Variants in GDE1 observed in about 807,000 individuals in gnomAD.
GDE1 encodes the protein glycerophosphodiester phosphodiesterase 1, also known as RGS16-interacting membrane protein.
Under a neutral mutation model 32.2 loss-of-function variants are expected in GDE1, and 24 were observed. The ratio of observed to expected loss-of-function variants is 0.75; its 90% CI spans 0.54 to 1.05. The LOEUF (loss-of-function observed/expected upper bound fraction) is 1.05. Ranked by LOEUF, GDE1 falls within the 50% of genes least tolerant of loss-of-function variation. The pLI, the probability that GDE1 is intolerant of heterozygous loss-of-function variation, is 0.00. For missense variants in GDE1, 380 were observed against 415.0 expected (o/e 0.92, Z 0.73); for synonymous variants, 159 against 158.6 (o/e 1.00, Z -0.02).
chr16:19,506,713 T>C (rs901520445), intron 4 of GDE1, among the ~76,000 whole-genome samples: 8 of 152,358 alleles, frequency 5.3e-5, no homozygotes, highest in East Asian at 1.9e-4. Context: ...GAGCAATTTA[T>C]GAAAAACAAC....
At chr16:19,511,604 ATTG>A (rs1257292739) in intron 2 of GDE1, among the ~76,000 whole-genome samples, 2 of 152,124 alleles carry the variant, frequency 1.3e-5, no homozygotes, top group Non-Finnish European at 2.9e-5. Flanking sequence ...TATACAACAG[ATTG>A]TTAACTATAA....
intron 2 of GDE1, among the ~76,000 whole-genome samples, chr16:19,511,943 T>C (rs568904767): frequency 6.6e-6 from 1 of 152,276 alleles, no homozygotes; most frequent in South Asian, 2.1e-4. Flanking sequence ...TTGAGTATAT[T>C]TACCACAGTT....
At position 19,503,229 on chromosome 16, in the gene GDE1, G is replaced by C; in HGVS notation, c.*241C>G. 2.0e-6 allele frequency: 1 copy of C among 510,778 alleles called. No individual in the cohort carries two copies. The highest frequency in any genetic ancestry group is 3.5e-6 in the Non-Finnish European group (1 of 283,658). 31.6% of individuals were successfully genotyped at this position (510,778 alleles called of 1,614,324 possible). ...GTGCCTCAGCTAGGGCAGGGCAGGG[G>C]CTCTTGTGCGTTTTTTCAGACCCAG... On this transcript the variant is annotated 3_prime_UTR_variant, in exon 6 of 6. Transcript: ENST00000353258.
chr16:19,505,215 C>A, intron 4 of GDE1, 123 bp from the exon 5 acceptor site: 1 of 680,984 alleles, frequency 1.5e-6, no homozygotes, highest in Non-Finnish European at 2.6e-6. Context: ...GCCCCGGTAT[C>A]TACTAAATAA....
chr16:19,512,951 G>GTGTC, intron 2 of GDE1, among the ~76,000 whole-genome samples: 1 of 151,468 alleles, frequency 6.6e-6, no homozygotes, highest in East Asian at 1.9e-4. Flanking sequence ...GTGTGTGTGT[G>GTGTC]TGTGTGTGTG....
intron 2 of GDE1, among the ~76,000 whole-genome samples, chr16:19,511,933 T>C (rs1244725493): frequency 6.6e-6 from 1 of 152,094 alleles, no homozygotes; most frequent in African/African-American, 2.4e-5. Context: ...TAGTATTCCA[T>C]TGAGTATATT....
intron 2 of GDE1, among the ~76,000 whole-genome samples, chr16:19,515,066 C>CAAAAAA (rs67148636): frequency 8.8e-6 from 1 of 113,238 alleles, no homozygotes; most frequent in African/African-American, 3.6e-5. Flanking sequence ...AACTCCAACT[C>CAAAAAA]AAAAAAAAAA....
chr16:19,507,318 C>G (rs1200648688), intron 4 of GDE1, among the ~76,000 whole-genome samples: 1 of 151,910 alleles, frequency 6.6e-6, no homozygotes, highest in East Asian at 1.9e-4. Flanking sequence ...GGGTACACTA[C>G]TACTTTATTT....
chr16:19,510,095 G>C (rs932278316), intron 3 of GDE1, among the ~76,000 whole-genome samples: 4 of 152,008 alleles, frequency 2.6e-5, no homozygotes, highest in Admixed American at 6.6e-5. Context: ...TGCCCAAATG[G>C]GGAAAAAAGT....
chr16:19,507,012 G>A (rs933042412), intron 4 of GDE1, among the ~76,000 whole-genome samples: 1 of 151,304 alleles, frequency 6.6e-6, no homozygotes, highest in East Asian at 2.0e-4. Flanking sequence ...GGTGACGTGC[G>A]CCTGTGGTCC....
At chr16:19,516,957 G>A (rs1969387754) in intron 2 of GDE1, 57 bp downstream of exon 2, 3 of 1,453,872 alleles carry the variant, frequency 2.1e-6, no homozygotes, top group African/African-American at 1.4e-5. Flanking sequence ...AGGCACCAGT[G>A]TCTGTCATTT....
At chr16:19,510,035 T>G (rs1425238391) in intron 3 of GDE1, among the ~76,000 whole-genome samples, 1 of 151,930 alleles carries the variant, frequency 6.6e-6, no homozygotes, top group Non-Finnish European at 1.5e-5. Flanking sequence ...TCTCAACCAG[T>G]AGATGGCCCT....
Position 19,521,550 on chromosome 16 carries a change from C to T in GDE1, c.261+154G>A. 3 of 771,080 alleles carry T rather than the reference C, an allele frequency of 3.9e-6. No homozygotes were observed. In the East Asian group the frequency reaches 7.9e-5, roughly 20 times the overall value. 47.8% of individuals were successfully genotyped at this position (771,080 alleles called of 1,614,324 possible). A position where few individuals can be genotyped will look rare whatever the true frequency, so the allele number is the denominator to read the frequency against. The stretch of plus-strand genomic sequence containing the variant: ...TATAAAACCTCAAGTCCGGAGATCC[C>T]TAGACACTGGGAGCGATCAAGGGCC... On this transcript the variant is annotated intron_variant, in intron 1 of 5. Coordinates refer to ENST00000353258, the MANE Select transcript of GDE1 (RefSeq NM_016641.4).
chr16:19,511,588 T>C (rs573612148), intron 2 of GDE1, among the ~76,000 whole-genome samples: 17 of 152,294 alleles, frequency 1.1e-4, no homozygotes, highest in Non-Finnish European at 1.6e-4. Flanking sequence ...CCTAGCTATT[T>C]TGAAATATAC....
intron 3 of GDE1, among the ~76,000 whole-genome samples, chr16:19,508,427 TAAC>T (rs753192787): frequency 6.6e-6 from 1 of 152,192 alleles, no homozygotes; most frequent in African/African-American, 2.4e-5. Context: ...CAATAGCAGC[TAAC>T]AACAAGAAAG....
At chr16:19,517,836 G>A (rs971162803) in intron 1 of GDE1, among the ~76,000 whole-genome samples, 1 of 151,858 alleles carries the variant, frequency 6.6e-6, no homozygotes, top group Non-Finnish European at 1.5e-5. Context: ...TGCTTCCTTG[G>A]CTTCCTCATC....
intron 2 of GDE1, among the ~76,000 whole-genome samples, chr16:19,511,294 G>T (rs1411183778): frequency 6.6e-6 from 1 of 151,994 alleles, no homozygotes. Flanking sequence ...AGTAGAGGCG[G>T]GGTTTCACCA....
chr16:19,503,716 G>T, intron 5 of GDE1, 99 bp from the exon 6 acceptor site: 1 of 1,001,630 alleles, frequency 1.0e-6, no homozygotes, highest in Non-Finnish European at 1.5e-6. Flanking sequence ...TACCAATGGT[G>T]CCCAGAGAAT....
rs749425718 is a variant in GDE1, at chr16:19,521,737, G to T, written c.228C>A (p.Asp76Glu). The T allele has an allele frequency of 2.5e-6, 4 of 1,611,570 alleles. No homozygotes were observed. Among genetic ancestry groups the T allele is most frequent in the Non-Finnish European group, 3.4e-6 (4 of 1,179,552 alleles). The change falls in exon 1 of 6, where the codon GAC (aspartate) becomes GAA (glutamate). Residue 76 changes from aspartate to glutamate, a missense_variant. Physicochemically the swap from Asp to Glu is conservative, Grantham distance 45. Transcript: ENST00000353258. ...SAIAHRGGSH[D>E]APENTLAAIR... ...TGGCCGCCAGCGTGTTCTCGGGCGC[G>T]TCGTGGCTGCCGCCACGGTGGGCGA...
Sources: gnomAD v4.1 joint callset for allele counts (sites outside exome capture counted in the v4.1 genomes callset) on GRCh38, gnomAD v4.1.1 for gene constraint, MANE v1.5 for transcripts, NCBI Gene and HGNC (gene_info 2026-07-23, HGNC 2026-07-21) for gene names.